The following SMYD3 variants were observed in gnomAD, a reference collection of about 807,000 sequenced individuals.
SMYD3 encodes SET and MYND domain containing 3, also known as histone-lysine N-methyltransferase SMYD3.
Under a neutral mutation model 57.7 loss-of-function variants are expected in SMYD3, and 36 were observed. That is an observed-to-expected ratio of 0.62 (90% CI 0.48 to 0.82). The LOEUF (loss-of-function observed/expected upper bound fraction) is 0.82. Among genes scored for constraint, SMYD3 ranks in the 40% least tolerant of loss-of-function variants. SMYD3 has a pLI of 0.00. For missense variants in SMYD3, 515 were observed against 538.8 expected, an observed-to-expected ratio of 0.96 and a Z score of 0.44; for synonymous variants, 211 against 195.0, an observed-to-expected ratio of 1.08 and a Z score of -0.68.
At chr1:245,908,692 A>C (rs1021378090) in intron 8 of SMYD3, among the ~76,000 whole-genome samples, 1 of 152,232 alleles carries the variant, frequency 6.6e-6, no homozygotes, top group African/African-American at 2.4e-5. Flanking sequence ...GGCTGTACAA[A>C]TACATGAAAA....
intron 5 of SMYD3, chr1:246,322,366 C>A (rs1351650087): frequency 6.6e-6 from 1 of 151,382 alleles, no homozygotes; most frequent in East Asian, 1.9e-4. Flanking sequence ...GACCCTATTC[C>A]CAAAGAGGGG....
intron 1 of SMYD3, among the ~76,000 whole-genome samples, chr1:246,478,593 C>T (rs12732938): frequency 4.4e-5 from 5 of 114,284 alleles, no homozygotes; most frequent in African/African-American, 7.8e-5. Flanking sequence ...TATATGCACA[C>T]CTGTCCTCTG....
intron 1 of SMYD3, among the ~76,000 whole-genome samples, chr1:246,460,525 T>C (rs2067782963): frequency 6.6e-6 from 1 of 152,250 alleles, no homozygotes; most frequent in Admixed American, 6.5e-5. Flanking sequence ...TGTGTGTTTT[T>C]ACTGAATAGC....
chr1:246,501,745 T>C lies in SMYD3; in HGVS notation c.164+5309A>G, dbSNP rs79698375. Among the ~76,000 whole-genome samples, 16 of 152,320 alleles carry C rather than the reference T, an allele frequency of 1.1e-4. No individual in the cohort carries two copies. The East Asian group carries it at 1.9e-3, about 18-fold the overall frequency. On this transcript the variant is annotated intron_variant, in intron 1 of 11. Transcript: ENST00000490107. ...GTTCTCATAGCCAAGCAGCTGGCAA[T>C]TGGGAGAGAAAGGAAACATGACCCA...
At chr1:246,349,749 G>A (rs1418167776) in intron 2 of SMYD3, among the ~76,000 whole-genome samples, 1 of 152,028 alleles carries the variant, frequency 6.6e-6, no homozygotes, top group Non-Finnish European at 1.5e-5. Flanking sequence ...AAACTCTGGG[G>A]CAATCACTAA....
chr1:245,903,049 G>A (rs2054297293), intron 8 of SMYD3, among the ~76,000 whole-genome samples: 1 of 152,094 alleles, frequency 6.6e-6, no homozygotes, highest in Non-Finnish European at 1.5e-5. Context: ...TGACCTCAAG[G>A]AAACTCAGTG....
intron 1 of SMYD3, among the ~76,000 whole-genome samples, chr1:246,488,100 T>C (rs972350580): frequency 2.0e-4 from 30 of 152,316 alleles, no homozygotes; most frequent in African/African-American, 6.7e-4. Flanking sequence ...TCATTAAAAG[T>C]TGGGCTCCAA....
rs144532685 is a variant in SMYD3 at position 245,963,780 on chromosome 1, G to A, written c.532-33843C>T. 3.8e-3 allele frequency among the ~76,000 whole-genome samples: 572 copies of A among 152,278 alleles called. 5 individuals carry two copies. Among genetic ancestry groups the A allele is most frequent in the African/African-American group, 0.013 (532 of 41,558 alleles). On this transcript the variant is annotated intron_variant, in intron 5 of 11. Transcript: ENST00000490107. ...GGCTTTGGCAGAGCCTAACCTACCT[G>A]GGGAAGGAAAATACCCAACTCCAGT...
chr1:246,501,170 C>A (rs534583326), intron 1 of SMYD3, among the ~76,000 whole-genome samples: 1 of 152,334 alleles, frequency 6.6e-6, no homozygotes, highest in African/African-American at 2.4e-5. Context: ...TGGTGCTAAC[C>A]ATATTTTACA....
chr1:245,875,186 G>A (rs904906985), intron 8 of SMYD3, among the ~76,000 whole-genome samples: 3 of 152,230 alleles, frequency 2.0e-5, no homozygotes, highest in Non-Finnish European at 2.9e-5. Context: ...TACTGGCCAT[G>A]TTTGGCACCC....
chr1:245,798,420 ACACCCC>A (rs1558351658), intron 10 of SMYD3, among the ~76,000 whole-genome samples: 37 of 104,876 alleles, frequency 3.5e-4, no homozygotes, highest in African/African-American at 1.1e-3. Flanking sequence ...ACACACATAC[ACACCCC>A]CACACACATA....
intron 5 of SMYD3, among the ~76,000 whole-genome samples, chr1:246,245,633 T>G (rs1055358660): frequency 1.3e-5 from 2 of 152,194 alleles, no homozygotes; most frequent in African/African-American, 2.4e-5. Context: ...CAGATTTTTA[T>G]CTAAGAAATT....
chr1:246,466,500 G>T (rs1191256648), intron 1 of SMYD3, among the ~76,000 whole-genome samples: 2 of 152,104 alleles, frequency 1.3e-5, no homozygotes, highest in African/African-American at 4.8e-5. Context: ...ACATAAAGAG[G>T]GACAACAGAC....
At chr1:245,767,170 G>C (rs1558315689) in intron 10 of SMYD3, among the ~76,000 whole-genome samples, 1 of 152,164 alleles carries the variant, frequency 6.6e-6, no homozygotes, top group Admixed American at 6.5e-5. Flanking sequence ...TAGTAGTCTT[G>C]ACAGGACAAA....
At chr1:246,101,001 A>C (rs147651171) in intron 5 of SMYD3, among the ~76,000 whole-genome samples, 83 of 151,648 alleles carry the variant, frequency 5.5e-4, no homozygotes, top group Middle Eastern at 3.4e-3. Flanking sequence ...ATCTTCCAGA[A>C]ACTAGATAAA....
chr1:246,373,527 G>A (rs2066222798), intron 1 of SMYD3, among the ~76,000 whole-genome samples: 1 of 152,106 alleles, frequency 6.6e-6, no homozygotes, highest in South Asian at 2.1e-4. Flanking sequence ...ATGAGAAGCT[G>A]ACAACTTACA....
intron 5 of SMYD3, among the ~76,000 whole-genome samples, chr1:245,964,094 T>C (rs752682436): frequency 3.3e-5 from 5 of 152,082 alleles, no homozygotes; most frequent in Non-Finnish European, 5.9e-5. Flanking sequence ...AAGTTCACCA[T>C]CATGGCAGAA....
chr1:245,817,383 A>G (rs201344940), intron 10 of SMYD3, among the ~76,000 whole-genome samples: 6,453 of 137,334 alleles, frequency 0.047, 272 homozygotes, highest in Admixed American at 0.09. Flanking sequence ...CATCCACACC[A>G]AAAACCCATC....
chr1:246,167,291 G>A (rs2062233014), intron 5 of SMYD3, among the ~76,000 whole-genome samples: 1 of 152,048 alleles, frequency 6.6e-6, no homozygotes, highest in Non-Finnish European at 1.5e-5. Flanking sequence ...TCTTTTGTGT[G>A]TGTATATGGC....
Sources: gnomAD v4.1 joint callset for allele counts (sites outside exome capture counted in the v4.1 genomes callset) on GRCh38, gnomAD v4.1.1 for gene constraint, MANE v1.5 for transcripts, NCBI Gene and HGNC (gene_info 2026-07-23, HGNC 2026-07-21) for gene names.